Variants in MYO6 observed in about 807,000 individuals in gnomAD.
MYO6 encodes unconventional myosin-VI.
Under a neutral mutation model 178.7 loss-of-function variants are expected in MYO6, and 74 were observed. That is an observed-to-expected ratio of 0.41 (90% CI 0.34 to 0.50). MYO6 has a LOEUF of 0.50. Ranked by LOEUF, MYO6 falls within the 20% of genes least tolerant of loss-of-function variation. The probability of loss-of-function intolerance (pLI) is 0.09; values close to 1 mark genes in which losing one functional copy is unlikely to be tolerated. For missense variants in MYO6, 1,330 were observed against 1,547.4 expected (o/e 0.86, Z 2.36); for synonymous variants, 477 against 504.6 (o/e 0.95, Z 0.73).
intron 1 of MYO6, among the ~76,000 whole-genome samples, chr6:75,791,176 A>C (rs1054797576): frequency 1.3e-5 from 2 of 152,056 alleles, no homozygotes; most frequent in Admixed American, 6.6e-5. Context: ...CTCGTGATCC[A>C]CCCACCTTGG....
intron 1 of MYO6, among the ~76,000 whole-genome samples, chr6:75,764,993 C>A (rs564393616): frequency 8.0e-4 from 119 of 149,198 alleles, no homozygotes; most frequent in African/African-American, 2.8e-3. Flanking sequence ...AGCTAGACTC[C>A]GTCTCAAACA....
chr6:75,848,174 G>C (rs1372047479), intron 10 of MYO6, among the ~76,000 whole-genome samples, 177 bp from the exon 11 acceptor site: 1 of 152,142 alleles, frequency 6.6e-6, no homozygotes, highest in Non-Finnish European at 1.5e-5. Context: ...AGAACAGAGA[G>C]ATCCTGTGTA....
At chr6:75,909,740 T>C (rs1780617762) in intron 32 of MYO6, among the ~76,000 whole-genome samples, 1 of 152,200 alleles carries the variant, frequency 6.6e-6, no homozygotes. Context: ...GCAGATTCAA[T>C]ATTTTGTGTG....
chr6:75,893,386 G>T (rs944911715), intron 28 of MYO6, among the ~76,000 whole-genome samples: 2 of 152,104 alleles, frequency 1.3e-5, no homozygotes, highest in Non-Finnish European at 2.9e-5. Context: ...AAACTAATTT[G>T]TAAGGTTCCT....
In MYO6 at chr6:75,874,625, GT is replaced by G. The variant is rs1777424623; in HGVS notation, c.2077+1330del. On this transcript the variant is annotated intron_variant, in intron 20 of 34. Transcript: ENST00000369977. Reference sequence around the variant, plus strand: ...GTTCTTTGAAAGCCATCTCTTCCTAGTTTTTCATGGATCTTCAGCATTGTTT... The same window carrying G: ...GTTCTTTGAAAGCCATCTCTTCCTAGTTTTCATGGATCTTCAGCATTGTTT... Among the ~76,000 whole-genome samples, 5 of 152,160 alleles carry G rather than the reference GT, an allele frequency of 3.3e-5. No homozygotes were observed. In the South Asian group the frequency reaches 1.0e-3, roughly 31 times the overall value.
rs560477917 is a variant in MYO6 at position 75,869,455 on chromosome 6, TA to T, written c.1945-1191del. On this transcript the variant is annotated intron_variant, in intron 18 of 34. Coordinates refer to ENST00000369977, the MANE Select transcript of MYO6 (RefSeq NM_004999.4). ...TGGATTGTCATGTTCTATCCTTAATTAGATTAAACATAATAACTCCTGTGAA... is the reference window on the plus strand; with the variant it reads ...TGGATTGTCATGTTCTATCCTTAATTGATTAAACATAATAACTCCTGTGAA... Among the ~76,000 whole-genome samples the T allele has an allele frequency of 6.6e-5, 10 of 152,292 alleles. No homozygotes were observed. The South Asian group carries it at 2.1e-3, about 32-fold the overall frequency.
intron 1 of MYO6, among the ~76,000 whole-genome samples, 197 bp from the exon 2 acceptor site, chr6:75,817,304 C>CAAAAAA (rs759910571): frequency 1.1e-4 from 7 of 62,976 alleles, no homozygotes; most frequent in East Asian, 3.6e-4. Context: ...GATTCCGTCT[C>CAAAAAA]AAAAAAAAAA....
chr6:75,911,721 AT>A (rs1562318965), intron 33 of MYO6, 23 bp downstream of exon 33: 1 of 1,600,320 alleles, frequency 6.2e-7, no homozygotes, highest in Non-Finnish European at 8.6e-7. Context: ...GTGGTAACTC[AT>A]GAGCTAACTG....
chr6:75,841,015 G>A (rs989694064), intron 8 of MYO6, among the ~76,000 whole-genome samples, 199 bp from the exon 9 acceptor site: 1 of 152,132 alleles, frequency 6.6e-6, no homozygotes, highest in African/African-American at 2.4e-5. Context: ...CTTAAATGGG[G>A]ATGTTTAAAA....
At chr6:75,797,380 A>G (rs1768974209) in intron 1 of MYO6, among the ~76,000 whole-genome samples, 1 of 152,232 alleles carries the variant, frequency 6.6e-6, no homozygotes, top group Non-Finnish European at 1.5e-5. Context: ...GGCGTGAGCC[A>G]CTGCGTCCAG....
At position 75,919,403 on chromosome 6, in the gene MYO6, T is replaced by C. The variant is rs1278996173; in HGVS notation, c.*4391T>C. ...GGCTTATTAGTTGGGTGTTTTCTTT[T>C]TACTTATGAAAATTCATCTAGTCAA... On this transcript the variant is annotated 3_prime_UTR_variant, in exon 35 of 35. Coordinates refer to ENST00000369977, the MANE Select transcript of MYO6 (RefSeq NM_004999.4). The C allele has an allele frequency of 1.3e-5, 2 of 151,728 alleles. No individual in the cohort carries two copies. The highest frequency in any genetic ancestry group is 2.9e-5 in the Non-Finnish European group (2 of 67,830). 9.4% of individuals were successfully genotyped at this position (151,728 alleles called of 1,614,324 possible).
intron 19 of MYO6, 37 bp from the exon 20 acceptor site, chr6:75,873,170 A>G (rs764059233): frequency 1.8e-5 from 26 of 1,481,570 alleles, no homozygotes; most frequent in African/African-American, 2.8e-5. Context: ...TAAGAATGCT[A>G]TATGTATTGT....
At chr6:75,888,221 G>T (rs1343187905) in intron 25 of MYO6, among the ~76,000 whole-genome samples, 1 of 152,110 alleles carries the variant, frequency 6.6e-6, no homozygotes, top group Non-Finnish European at 1.5e-5. Flanking sequence ...GGCAGAGGTT[G>T]CAGTGAGCCA....
rs748073974 is a variant in MYO6, at chr6:75,867,012, A to G, written c.1851A>G (p.Ile617Met). 1.2e-6 allele frequency: 2 copies of G among 1,613,690 alleles called. No homozygotes were observed. The highest frequency in any genetic ancestry group is 1.7e-6 in the Non-Finnish European group (2 of 1,179,620). Residue 617 changes from isoleucine (I) to methionine (M), a missense_variant, in exon 18 of 35, where the codon ATA becomes ATG. This residue lies in a region of MYO6 where 613 missense variants were observed against 816.8 expected (regional missense o/e 0.75). Transcript: ENST00000369977. ...TATGTGAATCCAGAGATAAGTTTATACGGGAATTATTTGAATCATCCACAA... is the reference window on the plus strand; with the variant it reads ...TATGTGAATCCAGAGATAAGTTTATGCGGGAATTATTTGAATCATCCACAA... ...SLICESRDKF[I>M]RELFESSTNN... is the part of the protein sequence containing the mutation.
chr6:75,765,150 G>C (rs1778295870), intron 1 of MYO6, among the ~76,000 whole-genome samples: 1 of 148,486 alleles, frequency 6.7e-6, no homozygotes, highest in South Asian at 2.1e-4. Context: ...CACATATAAG[G>C]CTATGACTAA....
At chr6:75,758,710 G>A (rs954571429) in intron 1 of MYO6, among the ~76,000 whole-genome samples, 12 of 151,998 alleles carry the variant, frequency 7.9e-5, no homozygotes, top group Non-Finnish European at 1.6e-4. Flanking sequence ...TGCCCGACTC[G>A]GCCTCCCAGA....
intron 1 of MYO6, among the ~76,000 whole-genome samples, chr6:75,764,789 G>A (rs985534171): frequency 6.6e-6 from 1 of 152,086 alleles, no homozygotes; most frequent in Non-Finnish European, 1.5e-5. Context: ...CTTGAGGCCA[G>A]GAGTTCAAGA....
chr6:75,877,486 C>T (rs181088965), intron 20 of MYO6, among the ~76,000 whole-genome samples: 5 of 152,070 alleles, frequency 3.3e-5, no homozygotes, highest in African/African-American at 4.8e-5. Context: ...AGGCTGGTGT[C>T]GAACTCCTGA....
At chr6:75,808,259 C>T (rs1020853344) in intron 1 of MYO6, among the ~76,000 whole-genome samples, 1 of 152,172 alleles carries the variant, frequency 6.6e-6, no homozygotes, top group Non-Finnish European at 1.5e-5. Flanking sequence ...TATCTGACGT[C>T]AGTGTGTCAC....
Sources: gnomAD v4.1 joint callset for allele counts (sites outside exome capture counted in the v4.1 genomes callset) on GRCh38, gnomAD v4.1.1 for gene constraint, gnomAD v4.1.1 regional missense constraint, MANE v1.5 for transcripts, NCBI Gene and HGNC (gene_info 2026-07-23, HGNC 2026-07-21) for gene names.